The following BMP6 variants were observed in gnomAD, a reference collection of about 807,000 sequenced individuals.
BMP6 encodes VG-1-R.
BMP6 carries 17 observed loss-of-function variants against 54.1 expected under a neutral mutation model. The observed-to-expected ratio is 0.31, with a 90% CI of 0.22 to 0.47. BMP6 has a LOEUF of 0.47. Ranked by LOEUF, BMP6 falls within the 20% of genes least tolerant of loss-of-function variation. The pLI is 1.00. For missense variants in BMP6, 720 were observed against 690.4 expected (o/e 1.04, Z -0.48); for synonymous variants, 328 against 291.2 (o/e 1.13, Z -1.28).
intron 4 of BMP6, among the ~76,000 whole-genome samples, chr6:7,868,197 G>A (rs1013483803): frequency 6.6e-6 from 1 of 152,150 alleles, no homozygotes; most frequent in Non-Finnish European, 1.5e-5. Context: ...ATTAAATGGG[G>A]CCTTATGAGA....
intron 1 of BMP6, among the ~76,000 whole-genome samples, chr6:7,827,947 T>C (rs1758726052): frequency 6.6e-6 from 1 of 152,232 alleles, no homozygotes; most frequent in Non-Finnish European, 1.5e-5. Flanking sequence ...AGGTAGGGAT[T>C]ATTTAGTTAA....
At chr6:7,859,056 A>AC (rs1167895137) in intron 2 of BMP6, among the ~76,000 whole-genome samples, 1 of 151,776 alleles carries the variant, frequency 6.6e-6, no homozygotes, top group African/African-American at 2.4e-5. Context: ...ATCTGCACTG[A>AC]CCCCGTAGGT....
chr6:7,768,845 T>C (rs771600958), intron 1 of BMP6, among the ~76,000 whole-genome samples: 3 of 152,316 alleles, frequency 2.0e-5, no homozygotes, highest in Middle Eastern at 3.4e-3. Flanking sequence ...GGCTTTCTTG[T>C]TGTACTCATC....
At chr6:7,793,161 CTG>C (rs1342035636) in intron 1 of BMP6, among the ~76,000 whole-genome samples, 1 of 152,006 alleles carries the variant, frequency 6.6e-6, no homozygotes, top group Non-Finnish European at 1.5e-5. Flanking sequence ...GATAAACAAA[CTG>C]GCACATCCAG....
rs772112609 is a variant in BMP6 at position 7,880,727 on chromosome 6, T to A, written c.*384T>A. The A allele has an allele frequency of 8.0e-4, 224 of 278,358 alleles. 1 individual carries two copies. Among genetic ancestry groups the A allele is most frequent in the Non-Finnish European group, 1.0e-3 (146 of 143,942 alleles). 17.2% of individuals were successfully genotyped at this position (278,358 alleles called of 1,614,324 possible). A position where few individuals can be genotyped will look rare whatever the true frequency, so the allele number is the denominator to read the frequency against. On this transcript the variant is annotated 3_prime_UTR_variant, in exon 7 of 7. Coordinates refer to ENST00000283147, the MANE Select transcript of BMP6 (RefSeq NM_001718.6). ...ATAATCTCAAAGGAGTTAAATGTAT[T>A]CTTGGCTAAAGGATCAGCTGGTTCA... is the stretch of plus-strand genomic sequence containing the variant.
intron 1 of BMP6, among the ~76,000 whole-genome samples, chr6:7,801,981 G>A (rs1411262723): frequency 6.6e-6 from 1 of 152,180 alleles, no homozygotes; most frequent in Non-Finnish European, 1.5e-5. Context: ...GGCCCCTTCT[G>A]TCAGGGAGAT....
chr6:7,786,458 CTGTT>C (rs753233136), intron 1 of BMP6, among the ~76,000 whole-genome samples: 2 of 76,978 alleles, frequency 2.6e-5, no homozygotes, highest in African/African-American at 1.1e-4. Context: ...CTTCTTTAGT[CTGTT>C]TTTTTTTTTT....
chr6:7,797,760 G>T (rs1404977444), intron 1 of BMP6, among the ~76,000 whole-genome samples: 1 of 152,074 alleles, frequency 6.6e-6, no homozygotes, highest in Non-Finnish European at 1.5e-5. Context: ...ATTAATAACA[G>T]CAACAAAAAG....
At chr6:7,879,285 C>G in intron 5 of BMP6, 135 bp downstream of exon 5, 1 of 924,812 alleles carries the variant, frequency 1.1e-6, no homozygotes, top group Middle Eastern at 3.0e-4. Flanking sequence ...TCCTGAGGAG[C>G]CCTCCCAAAT....
chr6:7,758,700 C>T (rs962556280), intron 1 of BMP6, among the ~76,000 whole-genome samples: 2 of 152,200 alleles, frequency 1.3e-5, no homozygotes, highest in African/African-American at 2.4e-5. Flanking sequence ...AGCCTGACAC[C>T]GAAGAAAAAC....
At chr6:7,869,586 G>T (rs1358131963) in intron 4 of BMP6, among the ~76,000 whole-genome samples, 2 of 152,198 alleles carry the variant, frequency 1.3e-5, no homozygotes, top group African/African-American at 4.8e-5. Context: ...GAGCTATTCT[G>T]CAGTTTTCAG....
chr6:7,732,489 T>TA (rs1332354487), intron 1 of BMP6, among the ~76,000 whole-genome samples: 1 of 152,230 alleles, frequency 6.6e-6, no homozygotes, highest in African/African-American at 2.4e-5. Context: ...TTTGAGAGCT[T>TA]ACCTCTGATC....
chr6:7,830,917 C>G (rs1395790605), intron 1 of BMP6, among the ~76,000 whole-genome samples: 1 of 152,146 alleles, frequency 6.6e-6, no homozygotes, highest in Non-Finnish European at 1.5e-5. Context: ...ACAGCCAAAC[C>G]TTATCAAAGA....
At chr6:7,765,026 A>AG (rs1237813483) in intron 1 of BMP6, among the ~76,000 whole-genome samples, 5 of 152,296 alleles carry the variant, frequency 3.3e-5, no homozygotes, top group Admixed American at 2.6e-4. Context: ...CGATAGTGGG[A>AG]GACTGGTCGA....
chr6:7,777,661 T>G (rs1757881058), intron 1 of BMP6, among the ~76,000 whole-genome samples: 1 of 146,990 alleles, frequency 6.8e-6, no homozygotes, highest in South Asian at 2.2e-4. Context: ...TGAAGACCTC[T>G]ATCTTTCCGG....
At chr6:7,801,808 C>A (rs1039061143) in intron 1 of BMP6, among the ~76,000 whole-genome samples, 1 of 152,188 alleles carries the variant, frequency 6.6e-6, no homozygotes, top group African/African-American at 2.4e-5. Context: ...ATTTAGTGGG[C>A]TCCTGAGCCA....
chr6:7,796,787 T>A (rs553915650), intron 1 of BMP6, among the ~76,000 whole-genome samples: 17 of 152,366 alleles, frequency 1.1e-4, no homozygotes, highest in Non-Finnish European at 1.9e-4. Flanking sequence ...GTGACTTTTT[T>A]TAAACAAAAG....
At chr6:7,846,256 G>T (rs1040134643) in intron 2 of BMP6, among the ~76,000 whole-genome samples, 1 of 152,078 alleles carries the variant, frequency 6.6e-6, no homozygotes, top group African/African-American at 2.4e-5. Context: ...ACTCCGTAAG[G>T]GATTTGTCAG....
At chr6:7,752,746 T>C (rs1757445987) in intron 1 of BMP6, among the ~76,000 whole-genome samples, 1 of 152,124 alleles carries the variant, frequency 6.6e-6, no homozygotes, top group Non-Finnish European at 1.5e-5. Context: ...GCCCTAAAAG[T>C]GTAGACTATT....
Sources: gnomAD v4.1 joint callset for allele counts (sites outside exome capture counted in the v4.1 genomes callset) on GRCh38, gnomAD v4.1.1 for gene constraint, MANE v1.5 for transcripts, NCBI Gene and HGNC (gene_info 2026-07-23, HGNC 2026-07-21) for gene names.